The following LPAR1 variants were observed in gnomAD, a reference collection of about 807,000 sequenced individuals.
The protein encoded by LPAR1 is lysophosphatidic acid receptor 1.
In LPAR1, 5 loss-of-function variants were observed where a neutral mutation model predicts 23.8. The observed-to-expected ratio is 0.21, with a 90% CI of 0.11 to 0.44. The LOEUF (loss-of-function observed/expected upper bound fraction) is 0.44, where lower values mean the gene tolerates loss of function less well. LPAR1 is among the 20% of genes least tolerant of loss of function. The pLI is 0.99. For synonymous variants in LPAR1, 160 were observed against 164.7 expected, an observed-to-expected ratio of 0.97 and a Z score of 0.22; for missense variants, 311 against 482.8, an observed-to-expected ratio of 0.64 and a Z score of 3.33.
chr9:111,002,917 T>C (rs2097154516), intron 2 of LPAR1, among the ~76,000 whole-genome samples: 1 of 152,062 alleles, frequency 6.6e-6, no homozygotes, highest in Non-Finnish European at 1.5e-5. Context: ...GGCAGGAGAA[T>C]TGCTTGAGGC....
At chr9:110,882,179 T>C (rs942860835) in intron 5 of LPAR1, among the ~76,000 whole-genome samples, 1 of 152,232 alleles carries the variant, frequency 6.6e-6, no homozygotes, top group East Asian at 1.9e-4. Flanking sequence ...CCTTTATTTA[T>C]ACCCAAAATT....
At chr9:111,033,823 G>A (rs2097845852) in intron 2 of LPAR1, among the ~76,000 whole-genome samples, 1 of 152,204 alleles carries the variant, frequency 6.6e-6, no homozygotes. Flanking sequence ...AAAGTGCTGG[G>A]ATTACAGGCA....
Position 110,942,512 on chromosome 9 carries a change from T to C in LPAR1, c.46-344A>G, listed in dbSNP as rs181074250. Among the ~76,000 whole-genome samples, 509 of 152,346 alleles carry C rather than the reference T, an allele frequency of 3.3e-3. 1 individual carries two copies. The highest frequency in any genetic ancestry group is 6.8e-3 in the Middle Eastern group (2 of 294). On this transcript the variant is annotated intron_variant, in intron 4 of 5. Coordinates refer to ENST00000683809, the MANE Select transcript of LPAR1 (RefSeq NM_001351411.2). ...TTTGCAGAACATTGCAATTGGAATA[T>C]TTACCATAGTAAAATCTATTTGACC...
intron 5 of LPAR1, among the ~76,000 whole-genome samples, chr9:110,914,746 A>G (rs2092886444): frequency 6.6e-6 from 1 of 152,014 alleles, no homozygotes; most frequent in African/African-American, 2.4e-5. Flanking sequence ...GCCTCTTTTT[A>G]TCTCTTTTCA....
chr9:110,922,276 C>A (rs2093681663), intron 5 of LPAR1, among the ~76,000 whole-genome samples: 1 of 152,150 alleles, frequency 6.6e-6, no homozygotes, highest in Non-Finnish European at 1.5e-5. Flanking sequence ...ATCTCTCAGA[C>A]ACCCTCTGAA....
At chr9:110,940,414 A>G (rs1347549816) in intron 5 of LPAR1, among the ~76,000 whole-genome samples, 1 of 152,226 alleles carries the variant, frequency 6.6e-6, no homozygotes, top group Non-Finnish European at 1.5e-5. Context: ...TATAAATTGG[A>G]GCACAGAGAA....
intron 2 of LPAR1, among the ~76,000 whole-genome samples, chr9:110,980,024 A>G (rs10980676): frequency 0.68 from 102,582 of 151,936 alleles, 35,437 homozygotes; most frequent in African/African-American, 0.74. Flanking sequence ...GCAGAAGAGG[A>G]AAAGGATTCA....
At chr9:110,940,231 G>A (rs964538636) in intron 5 of LPAR1, among the ~76,000 whole-genome samples, 3 of 152,180 alleles carry the variant, frequency 2.0e-5, no homozygotes, top group African/African-American at 4.8e-5. Flanking sequence ...TGAAAATGAT[G>A]TCCATGATGC....
rs143001378 is a variant in LPAR1 at position 110,923,310 on chromosome 9, G to T, written c.793+18111C>A. 8.6e-3 allele frequency among the ~76,000 whole-genome samples: 1,312 copies of T among 152,224 alleles called. 20 individuals carry two copies. The highest frequency in any genetic ancestry group is 0.029 in the African/African-American group (1,204 of 41,530). The stretch of plus-strand genomic sequence containing the variant: ...TACAGACGGTCCCTGACTTACAATG[G>T]TTTGATTTAGGATTTTTTGACTTTA... On this transcript the variant is annotated intron_variant, in intron 5 of 5. Coordinates refer to ENST00000683809, the MANE Select transcript of LPAR1 (RefSeq NM_001351411.2).
At chr9:110,999,424 A>G (rs144226498) in intron 2 of LPAR1, 1 of 456,192 alleles carries the variant, frequency 2.2e-6, no homozygotes, top group African/African-American at 2.0e-5. Flanking sequence ...ATGAGCAGGA[A>G]TGAGTAGCAG....
chr9:110,915,393 CA>C (rs34382791), intron 5 of LPAR1, among the ~76,000 whole-genome samples: 36,076 of 151,860 alleles, frequency 0.24, 5,689 homozygotes, highest in Non-Finnish European at 0.35. Flanking sequence ...AAAACTTAGC[CA>C]GGGGTGGTGG....
chr9:110,933,989 T>C (rs1291771964), intron 5 of LPAR1, among the ~76,000 whole-genome samples: 1 of 152,240 alleles, frequency 6.6e-6, no homozygotes, highest in East Asian at 1.9e-4. Flanking sequence ...ATGTGGGGTC[T>C]GGGAAGCACT....
chr9:110,999,377 A>T (rs1409184070), intron 2 of LPAR1: 1 of 455,640 alleles, frequency 2.2e-6, no homozygotes, highest in Admixed American at 2.4e-5. Flanking sequence ...GAAGGTTCAG[A>T]CCTCCCCCAC....
chr9:110,904,347 G>A (rs1001204291), intron 5 of LPAR1, among the ~76,000 whole-genome samples: 2 of 152,098 alleles, frequency 1.3e-5, no homozygotes, highest in African/African-American at 4.8e-5. Flanking sequence ...TTAAAAGTGG[G>A]AAAGGTAAAA....
At chr9:110,940,363 G>A (rs558996607) in intron 5 of LPAR1, among the ~76,000 whole-genome samples, 7 of 152,294 alleles carry the variant, frequency 4.6e-5, no homozygotes, top group South Asian at 2.1e-4. Context: ...GAGTTTCAGA[G>A]GAGCCACATA....
At chr9:110,934,866 GGA>G (rs1188307834) in intron 5 of LPAR1, among the ~76,000 whole-genome samples, 1 of 151,386 alleles carries the variant, frequency 6.6e-6, no homozygotes, top group East Asian at 1.9e-4. Flanking sequence ...AGAGAGGAGA[GGA>G]GAGAGAGAGC....
rs550510858 is a variant in LPAR1, at chr9:110,890,542, T to G, written c.794-14820A>C. Among the ~76,000 whole-genome samples, 4 of 152,326 alleles carry G rather than the reference T, an allele frequency of 2.6e-5. No individual in the cohort carries two copies. In the East Asian group the frequency reaches 7.7e-4, roughly 29 times the overall value. ...GTGGGATTGGAATTGGCTTTGGGGA[T>G]GAAAAGCTTCTTTGTTGCATTAACT... On this transcript the variant is annotated intron_variant, in intron 5 of 5. Coordinates refer to ENST00000683809, the MANE Select transcript of LPAR1 (RefSeq NM_001351411.2).
chr9:110,920,445 T>C (rs773832583), intron 5 of LPAR1, among the ~76,000 whole-genome samples: 7 of 152,248 alleles, frequency 4.6e-5, no homozygotes, highest in Non-Finnish European at 1.0e-4. Context: ...TTTTCAACTG[T>C]TGTGATTTTT....
chr9:110,940,768 A>T (rs1195816202), intron 5 of LPAR1, among the ~76,000 whole-genome samples: 1 of 152,216 alleles, frequency 6.6e-6, no homozygotes, highest in Non-Finnish European at 1.5e-5. Flanking sequence ...TTCATCCAAG[A>T]AAAACAATGC....
Sources: allele counts gnomAD v4.1 joint callset (sites outside exome capture counted in the v4.1 genomes callset), GRCh38; gene constraint gnomAD v4.1.1; transcripts MANE v1.5; gene names NCBI Gene and HGNC (gene_info 2026-07-23, HGNC 2026-07-21).